The following BLNK variants were observed in gnomAD, a reference collection of about 807,000 sequenced individuals.
BLNK encodes B-cell linker protein.
Under a neutral mutation model 73.5 loss-of-function variants are expected in BLNK, and 29 were observed. The ratio of observed to expected loss-of-function variants is 0.39; its 90% CI spans 0.29 to 0.54. BLNK has a LOEUF of 0.54. BLNK is among the 20% of genes least tolerant of loss of function. BLNK has a pLI of 0.61. For synonymous variants in BLNK, 176 were observed against 200.8 expected, an observed-to-expected ratio of 0.88 and a Z score of 1.04; for missense variants, 460 against 562.8, an observed-to-expected ratio of 0.82 and a Z score of 1.85.
chr10:96,265,871 G>A (rs1188489161), intron 1 of BLNK, among the ~76,000 whole-genome samples: 2 of 152,174 alleles, frequency 1.3e-5, no homozygotes, highest in East Asian at 1.9e-4. Flanking sequence ...AGGATGTTTA[G>A]CAGCATCCTT....
chr10:96,204,129 A>G (rs1554896869), intron 12 of BLNK, 41 bp from the exon 13 acceptor site: 3 of 1,610,982 alleles, frequency 1.9e-6, no homozygotes, highest in East Asian at 2.2e-5. Context: ...ACAAAGCACA[A>G]TATGAGTAAG....
chr10:96,195,959 C>A (rs1217503848), intron 16 of BLNK, among the ~76,000 whole-genome samples: 1 of 152,214 alleles, frequency 6.6e-6, no homozygotes, highest in East Asian at 1.9e-4. Flanking sequence ...AGTTACTGTG[C>A]TCTGATTCTG....
At position 96,199,954 on chromosome 10, in the gene BLNK, G is replaced by A. The variant is rs1012202445; in HGVS notation, c.1095+121C>T. On this transcript the variant is annotated intron_variant, in intron 15 of 16. Transcript: ENST00000224337. ...CATGAGAATCACTTGAACTTGGGAG[G>A]CAGGCAGAGGTTGCAGTGAGCTGAG... 3.2e-5 allele frequency: 18 copies of A among 566,170 alleles called. No homozygotes were observed. In the African/African-American group the frequency reaches 3.6e-4, roughly 11 times the overall value. The allele number at this position is 566,170 out of a possible 1,614,324, so 35.1% of individuals were successfully genotyped here.
chr10:96,190,174 T>C lies in BLNK; in HGVS notation c.*1799A>G. Reference sequence around the variant, plus strand: ...CTTTAGTTCACAACTGAAAAGATAGTTCTGGGCCTCAGGGGGCTCACGTCC... The same window carrying C: ...CTTTAGTTCACAACTGAAAAGATAGCTCTGGGCCTCAGGGGGCTCACGTCC... On this transcript the variant is annotated 3_prime_UTR_variant, in exon 17 of 17. Coordinates refer to ENST00000224337, the MANE Select transcript of BLNK (RefSeq NM_013314.4). The C allele has an allele frequency of 1.2e-6, 1 of 840,870 alleles. No homozygotes were observed. Among genetic ancestry groups the C allele is most frequent in the Non-Finnish European group, 2.0e-6 (1 of 491,608 alleles). The allele number at this position is 840,870 out of a possible 1,614,324, so 52.1% of individuals were successfully genotyped here.
At chr10:96,243,605 A>C (rs1554906827) in intron 2 of BLNK, among the ~76,000 whole-genome samples, 1 of 152,184 alleles carries the variant, frequency 6.6e-6, no homozygotes, top group Non-Finnish European at 1.5e-5. Context: ...GGAGATTATG[A>C]GACTTAGCAT....
chr10:96,246,875 T>C, intron 2 of BLNK, 109 bp downstream of exon 2: 1 of 799,224 alleles, frequency 1.3e-6, no homozygotes, highest in Non-Finnish European at 2.0e-6. Context: ...GGTTACGTGC[T>C]AAAGAGGTAG....
chr10:96,202,007 C>G (rs782742711), intron 13 of BLNK, among the ~76,000 whole-genome samples: 17 of 151,976 alleles, frequency 1.1e-4, no homozygotes, highest in Non-Finnish European at 1.8e-4. Context: ...CACTGGACAT[C>G]CCAGGAAAGA....
intron 5 of BLNK, among the ~76,000 whole-genome samples, chr10:96,227,206 G>A (rs587763781): frequency 1.3e-5 from 2 of 152,278 alleles, no homozygotes; most frequent in African/African-American, 2.4e-5. Context: ...TAGGAAAGAC[G>A]CCTCTTCCCC....
At chr10:96,270,614 A>T (rs77239598) in intron 1 of BLNK, among the ~76,000 whole-genome samples, 1 of 116,902 alleles carries the variant, frequency 8.6e-6, no homozygotes, top group East Asian at 2.1e-4. Context: ...AAAGTATAAT[A>T]AAAAAAAAAA....
rs373289927 is a variant in BLNK, at chr10:96,210,610, C to T, written c.677-703G>A. Among the ~76,000 whole-genome samples, 472 of 152,270 alleles carry T rather than the reference C, an allele frequency of 3.1e-3. 1 individual carries two copies. Among genetic ancestry groups the T allele is most frequent in the African/African-American group, 0.01 (427 of 41,564 alleles). The stretch of plus-strand genomic sequence containing the variant: ...TACCTGAAGATAGATGCCAGACAAT[C>T]GTTATGAGGGAGGAAGTGAAAGAGA... On this transcript the variant is annotated intron_variant, in intron 8 of 16. Transcript: ENST00000224337.
At chr10:96,219,341 C>T (rs897792320) in intron 6 of BLNK, among the ~76,000 whole-genome samples, 27 of 152,316 alleles carry the variant, frequency 1.8e-4, no homozygotes, top group African/African-American at 5.8e-4. Context: ...TTCACCTTTT[C>T]GGATTCATTA....
chr10:96,220,303 C>T (rs145953690), intron 6 of BLNK, among the ~76,000 whole-genome samples: 151 of 152,182 alleles, frequency 9.9e-4, no homozygotes, highest in African/African-American at 3.1e-3. Flanking sequence ...CAGTGCGAGA[C>T]GACGAACCCC....
At chr10:96,222,090 A>AC (rs1333531255) in intron 6 of BLNK, among the ~76,000 whole-genome samples, 1 of 151,790 alleles carries the variant, frequency 6.6e-6, no homozygotes, top group Non-Finnish European at 1.5e-5. Flanking sequence ...CATATATTAA[A>AC]CCCCTCTGTG....
intron 6 of BLNK, among the ~76,000 whole-genome samples, chr10:96,217,643 T>C (rs190685855): frequency 6.6e-6 from 1 of 152,196 alleles, no homozygotes; most frequent in Admixed American, 6.5e-5. Context: ...TGCCCATTTT[T>C]AATTGGGTTG....
chr10:96,191,867 AC>A lies in BLNK; in HGVS notation c.*105del. 1 of 1,456,744 alleles carries A rather than the reference AC, an allele frequency of 6.9e-7. No individual in the cohort carries two copies. The highest frequency in any genetic ancestry group is 9.6e-7 in the Non-Finnish European group (1 of 1,044,694). The allele number at this position is 1,456,744 out of a possible 1,614,324, so 90.2% of individuals were successfully genotyped here. On this transcript the variant is annotated 3_prime_UTR_variant, in exon 17 of 17. Coordinates refer to ENST00000224337, the MANE Select transcript of BLNK (RefSeq NM_013314.4). ...AGCTGACTCCATCTTCCATTTTATT[AC>A]TGGATGATTCATAATCCAAAATATG... is the stretch of plus-strand genomic sequence containing the variant.
chr10:96,215,315 C>T lies in BLNK; in HGVS notation c.676+6G>A, dbSNP rs1554899597. The T allele has an allele frequency of 1.2e-6, 2 of 1,613,818 alleles. No individual in the cohort carries two copies. Among genetic ancestry groups the T allele is most frequent in the South Asian group, 1.1e-5 (1 of 91,064 alleles). Reference sequence around the variant, plus strand: ...AAAACCAAACCAAATCACACATACACTTTACCTGAAGCTGTTCCTGGAGGA... The same window carrying T: ...AAAACCAAACCAAATCACACATACATTTTACCTGAAGCTGTTCCTGGAGGA... On this transcript the variant is annotated splice_donor_region_variant and intron_variant, in intron 8 of 16. Coordinates refer to ENST00000224337, the MANE Select transcript of BLNK (RefSeq NM_013314.4).
chr10:96,225,895 G>C (rs113529825), intron 5 of BLNK, among the ~76,000 whole-genome samples: 2,114 of 152,226 alleles, frequency 0.014, 48 homozygotes, highest in African/African-American at 0.048. Flanking sequence ...TCCATCCACT[G>C]TGGCCTCCCA....
chr10:96,233,633 A>G (rs1052584278), intron 3 of BLNK, among the ~76,000 whole-genome samples: 5 of 152,124 alleles, frequency 3.3e-5, no homozygotes, highest in Admixed American at 2.6e-4. Flanking sequence ...TCTTTCTTCC[A>G]TGGAAATCCC....
chr10:96,239,331 A>C lies in BLNK; in HGVS notation c.163+3404T>G, dbSNP rs1054813912. 3.3e-5 allele frequency among the ~76,000 whole-genome samples: 5 copies of C among 152,238 alleles called. No individual in the cohort carries two copies. The East Asian group carries it at 7.7e-4, about 23-fold the overall frequency. ...TAATTAGTATTAGAGGGGACCTGACAGATCTTCTAGTTCAGGCCTGCATAA... is the reference window on the plus strand; with the variant it reads ...TAATTAGTATTAGAGGGGACCTGACCGATCTTCTAGTTCAGGCCTGCATAA... On this transcript the variant is annotated intron_variant, in intron 3 of 16. Coordinates refer to ENST00000224337, the MANE Select transcript of BLNK (RefSeq NM_013314.4).
Sources: gnomAD v4.1 joint callset for allele counts (sites outside exome capture counted in the v4.1 genomes callset) on GRCh38, gnomAD v4.1.1 for gene constraint, MANE v1.5 for transcripts, NCBI Gene and HGNC (gene_info 2026-07-23, HGNC 2026-07-21) for gene names.